The following GRK5 variants were observed in gnomAD, a reference collection of about 807,000 sequenced individuals.
The protein encoded by GRK5 is g protein-coupled receptor kinase GRK5.
Under a neutral mutation model 78.4 loss-of-function variants are expected in GRK5, and 40 were observed. That is an observed-to-expected ratio of 0.51 (90% confidence interval 0.40 to 0.66). The LOEUF is 0.66. Ranked by LOEUF, GRK5 falls within the 30% of genes least tolerant of loss-of-function variation. GRK5 has a pLI of 0.00. For missense variants in GRK5, 598 were observed against 759.9 expected (o/e 0.79, Z 2.50); for synonymous variants, 289 against 296.8 (o/e 0.97, Z 0.27).
chr10:119,391,481 C>T (rs1368408470), intron 3 of GRK5, among the ~76,000 whole-genome samples: 4 of 152,198 alleles, frequency 2.6e-5, no homozygotes, highest in African/African-American at 9.6e-5. Context: ...ATTTACAAAG[C>T]GTGGGAGGGA....
intron 6 of GRK5, among the ~76,000 whole-genome samples, chr10:119,429,297 C>G (rs906894329): frequency 6.6e-6 from 1 of 152,026 alleles, no homozygotes; most frequent in African/African-American, 2.4e-5. Flanking sequence ...AAGACTCATT[C>G]GTTCAAGAGC....
chr10:119,386,495 C>A (rs1033192749), intron 3 of GRK5, among the ~76,000 whole-genome samples: 1 of 152,136 alleles, frequency 6.6e-6, no homozygotes, highest in Non-Finnish European at 1.5e-5. Flanking sequence ...TCATTCTGGT[C>A]GTGCCATCGT....
At chr10:119,435,027 G>A (rs971479765) in intron 8 of GRK5, among the ~76,000 whole-genome samples, 6 of 152,198 alleles carry the variant, frequency 3.9e-5, no homozygotes, top group African/African-American at 7.2e-5. Flanking sequence ...ACCATGGCTC[G>A]AGCACTGCAT....
At chr10:119,333,698 G>A in intron 2 of GRK5, 2 of 505,302 alleles carry the variant, frequency 4.0e-6, no homozygotes, top group Non-Finnish European at 8.0e-6. Flanking sequence ...TATCTTGTAA[G>A]TGTGTGCAGC....
At chr10:119,390,031 G>A (rs2133841353) in intron 3 of GRK5, among the ~76,000 whole-genome samples, 1 of 152,286 alleles carries the variant, frequency 6.6e-6, no homozygotes, top group African/African-American at 2.4e-5. Context: ...AGAGTAATGG[G>A]GAAAGTTAAA....
chr10:119,226,312 A>T (rs1052940655), intron 1 of GRK5, among the ~76,000 whole-genome samples: 29 of 121,822 alleles, frequency 2.4e-4, no homozygotes, highest in Admixed American at 3.2e-4. Context: ...TTTTAATTTT[A>T]ATTTTTTTTT....
chr10:119,304,826 G>A (rs758702437), intron 1 of GRK5, among the ~76,000 whole-genome samples: 2 of 152,214 alleles, frequency 1.3e-5, no homozygotes, highest in Admixed American at 6.5e-5. Flanking sequence ...ACGCAGATGC[G>A]GACCAGCAGG....
chr10:119,326,440 C>A, intron 1 of GRK5, 76 bp from the exon 2 acceptor site: 1 of 1,204,886 alleles, frequency 8.3e-7, no homozygotes, highest in Non-Finnish European at 1.2e-6. Flanking sequence ...GCCCAGGAGG[C>A]TGGTGGGCAG....
intron 3 of GRK5, among the ~76,000 whole-genome samples, chr10:119,381,190 T>C (rs1311156592): frequency 1.3e-5 from 2 of 152,230 alleles, no homozygotes; most frequent in South Asian, 2.1e-4. Context: ...ATCAGCTCTT[T>C]GATTCTGGAA....
intron 1 of GRK5, among the ~76,000 whole-genome samples, chr10:119,244,345 G>C (rs980716346): frequency 1.3e-5 from 2 of 152,178 alleles, no homozygotes; most frequent in Admixed American, 1.3e-4. Flanking sequence ...AAGGAGTTAA[G>C]ATGCAAAATA....
intron 4 of GRK5, among the ~76,000 whole-genome samples, chr10:119,419,764 G>A (rs192797877): frequency 5.2e-4 from 79 of 152,332 alleles, no homozygotes; most frequent in Non-Finnish European, 9.6e-4. Flanking sequence ...GCAGGTAGGA[G>A]GGTCAAATTC....
At chr10:119,361,856 G>A (rs1367404332) in intron 2 of GRK5, among the ~76,000 whole-genome samples, 2 of 151,662 alleles carry the variant, frequency 1.3e-5, no homozygotes, top group African/African-American at 4.8e-5. Flanking sequence ...AGCTGCTCGG[G>A]AGGCTGAGGC....
chr10:119,308,381 T>G lies in GRK5; in HGVS notation c.53-18135T>G, dbSNP rs140973714. ...TGGTAGAAGTGACTGGGAAGAACTC[T>G]GCGTGTGGCAAGGGCTCTCGCTGCT... On this transcript the variant is annotated intron_variant, in intron 1 of 15. Transcript: ENST00000392870. Among the ~76,000 whole-genome samples the G allele has an allele frequency of 2.0e-3, 310 of 151,742 alleles. No individual in the cohort carries two copies. In the Middle Eastern group the frequency reaches 0.034, roughly 17 times the overall value.
chr10:119,367,090 A>G (rs1245646056), intron 2 of GRK5, among the ~76,000 whole-genome samples: 1 of 152,142 alleles, frequency 6.6e-6, no homozygotes, highest in Non-Finnish European at 1.5e-5. Context: ...GTCAGTTGCT[A>G]TTGTTTCCAT....
In GRK5 at chr10:119,297,987, C is replaced by T. The variant is rs1156595548; in HGVS notation, c.53-28529C>T. On this transcript the variant is annotated intron_variant, in intron 1 of 15. Transcript: ENST00000392870. Reference sequence around the variant, plus strand: ...TTCATTTATTGCTGGGGCTCAGGACCCTACCCTCACTGGGACCTCACTTTG... The same window carrying T: ...TTCATTTATTGCTGGGGCTCAGGACTCTACCCTCACTGGGACCTCACTTTG... 5.9e-5 allele frequency among the ~76,000 whole-genome samples: 9 copies of T among 152,088 alleles called. No homozygotes were observed. In the East Asian group the frequency reaches 1.5e-3, roughly 26 times the overall value.
At chr10:119,295,052 T>A (rs1189102304) in intron 1 of GRK5, among the ~76,000 whole-genome samples, 1 of 151,968 alleles carries the variant, frequency 6.6e-6, no homozygotes, top group Non-Finnish European at 1.5e-5. Context: ...TAGCCGGGCG[T>A]GGTGGCATGC....
chr10:119,368,281 C>T (rs577972893), intron 2 of GRK5, among the ~76,000 whole-genome samples: 62 of 152,354 alleles, frequency 4.1e-4, no homozygotes, highest in South Asian at 2.1e-3. Context: ...GGCTCCTTGG[C>T]GCCCCTCAGA....
intron 1 of GRK5, among the ~76,000 whole-genome samples, chr10:119,319,732 C>T (rs943346694): frequency 3.3e-5 from 5 of 152,232 alleles, no homozygotes; most frequent in South Asian, 2.1e-4. Context: ...ATTGTGCTCC[C>T]GCCTGGGTGT....
chr10:119,426,037 C>A (rs1852671598), intron 6 of GRK5, among the ~76,000 whole-genome samples: 1 of 152,224 alleles, frequency 6.6e-6, no homozygotes, highest in Non-Finnish European at 1.5e-5. Flanking sequence ...GTGGGAGCCT[C>A]CCCTCCCACA....
Sources: gnomAD v4.1 joint callset for allele counts (sites outside exome capture counted in the v4.1 genomes callset) on GRCh38, gnomAD v4.1.1 for gene constraint, MANE v1.5 for transcripts, NCBI Gene and HGNC (gene_info 2026-07-23, HGNC 2026-07-21) for gene names.